The following ZEB1 variants were observed in gnomAD, a reference collection of about 807,000 sequenced individuals.
ZEB1 encodes zinc finger E-box-binding homeobox 1.
Under a neutral mutation model 84.9 loss-of-function variants are expected in ZEB1, and 21 were observed. The observed-to-expected ratio is 0.25, with a 90% confidence interval of 0.18 to 0.36. The LOEUF is 0.36. Among genes scored for constraint, ZEB1 ranks in the 10% least tolerant of loss-of-function variants. The pLI, the probability that ZEB1 is intolerant of heterozygous loss-of-function variation, is 1.00. For synonymous variants in ZEB1, 420 were observed against 471.1 expected, an observed-to-expected ratio of 0.89 and a Z score of 1.41; for missense variants, 1,104 against 1,330.2, an observed-to-expected ratio of 0.83 and a Z score of 2.65.
At chr10:31,411,604 A>C (rs963011869) in intron 1 of ZEB1, among the ~76,000 whole-genome samples, 5 of 139,624 alleles carry the variant, frequency 3.6e-5, no homozygotes, top group African/African-American at 1.4e-4. Context: ...TGCAGTCCGC[A>C]GTCCGGCCTG....
At chr10:31,397,020 T>TTA (rs925197730) in intron 1 of ZEB1, among the ~76,000 whole-genome samples, 6 of 145,188 alleles carry the variant, frequency 4.1e-5, no homozygotes, top group Admixed American at 6.9e-5. Context: ...ATTATTATTA[T>TTA]TTTTTTTTTT....
At chr10:31,355,188 T>C (rs976456507) in intron 1 of ZEB1, 3 of 152,142 alleles carry the variant, frequency 2.0e-5, no homozygotes, top group Admixed American at 6.5e-5. Context: ...AATATTCTTA[T>C]TAAGGTAAAG....
chr10:31,425,205 AATTTG>A, intron 1 of ZEB1, among the ~76,000 whole-genome samples: 2 of 152,190 alleles, frequency 1.3e-5, no homozygotes, highest in Middle Eastern at 6.8e-3. Context: ...GAAAACCACG[AATTTG>A]AATCAATTGA....
At chr10:31,387,300 C>T (rs1227042381) in intron 1 of ZEB1, 13 of 985,460 alleles carry the variant, frequency 1.3e-5, no homozygotes, top group Non-Finnish European at 1.4e-5. Context: ...CACTCGTGGG[C>T]CCAGGCTCCT....
intron 1 of ZEB1, among the ~76,000 whole-genome samples, chr10:31,403,425 A>G (rs1180990245): frequency 6.6e-6 from 1 of 151,978 alleles, no homozygotes; most frequent in African/African-American, 2.4e-5. Flanking sequence ...TCTCGTGTGC[A>G]TGTATGTAAT....
Position 31,527,412 on chromosome 10 carries a change from AACACACACACACACACACAC to A in ZEB1, c.*170_*189del, listed in dbSNP as rs3086583. 19 of 515,744 alleles carry A rather than the reference AACACACACACACACACACAC, an allele frequency of 3.7e-5. No homozygotes were observed. The highest frequency in any genetic ancestry group is 7.9e-5 in the East Asian group (2 of 25,334). 31.9% of individuals were successfully genotyped at this position (515,744 alleles called of 1,614,324 possible). A position where few individuals can be genotyped will look rare whatever the true frequency, so the allele number is the denominator to read the frequency against. On this transcript the variant is annotated 3_prime_UTR_variant, in exon 9 of 9. Transcript: ENST00000424869. ...AAAACTAAAAAAATACAAAATACAAAACACACACACACACACACACACACACACACACACACACACAAAAT... is the reference window on the plus strand; with the variant it reads ...AAAACTAAAAAAATACAAAATACAAAACACACACACACACACACACAAAAT...
At chr10:31,384,482 A>G (rs1431180601) in intron 1 of ZEB1, among the ~76,000 whole-genome samples, 1 of 152,208 alleles carries the variant, frequency 6.6e-6, no homozygotes, top group Non-Finnish European at 1.5e-5. Context: ...TTTTATGCAA[A>G]GTGAGCTGAG....
chr10:31,508,665 G>A (rs2069410863), intron 4 of ZEB1, among the ~76,000 whole-genome samples: 1 of 152,080 alleles, frequency 6.6e-6, no homozygotes, highest in Non-Finnish European at 1.5e-5. Flanking sequence ...TTGGTGGTGT[G>A]TGTAGGCATT....
In ZEB1 at chr10:31,510,694, A is replaced by C; in HGVS notation, c.506A>C (p.Gln169Pro). 1 of 1,613,694 alleles carries C rather than the reference A, an allele frequency of 6.2e-7. No homozygotes were observed. Among genetic ancestry groups the C allele is most frequent in the Non-Finnish European group, 8.5e-7 (1 of 1,179,702 alleles). ...ACAGGAACACCAGATGCATTTTCAC[A>C]ATTACTCACCTGTCCATATTGTGAT... ...DENGTPDAFS[Q>P]LLTCPYCDRG... The change falls in exon 5 of 9, where the codon CAA becomes CCA. Residue 169 changes from glutamine (Q) to proline (P), a missense_variant. Gln to Pro is a moderately conservative substitution (Grantham distance 76). Around this residue, in one of 7 missense-constraint regions of ZEB1, gnomAD observed 71 missense variants for 119.1 expected, o/e 0.60. Coordinates refer to ENST00000424869, the MANE Select transcript of ZEB1 (RefSeq NM_001174096.2).
At chr10:31,469,183 G>A (rs1358750329) in intron 2 of ZEB1, among the ~76,000 whole-genome samples, 4 of 152,134 alleles carry the variant, frequency 2.6e-5, no homozygotes, top group South Asian at 2.1e-4. Flanking sequence ...AGAGCTTGAC[G>A]ACTAGTCTTT....
intron 1 of ZEB1, among the ~76,000 whole-genome samples, chr10:31,383,357 G>T (rs2048036818): frequency 6.6e-6 from 1 of 151,910 alleles, no homozygotes; most frequent in Non-Finnish European, 1.5e-5. Context: ...AGATAAATGG[G>T]GCTAGTGGCC....
chr10:31,373,298 TTA>T, intron 1 of ZEB1: 2 of 876,026 alleles, frequency 2.3e-6, no homozygotes, highest in African/African-American at 1.8e-5. Context: ...TGTTTGAATT[TTA>T]TATGTCTGTC....
chr10:31,378,944 A>C (rs2047160555), intron 1 of ZEB1, among the ~76,000 whole-genome samples: 1 of 152,108 alleles, frequency 6.6e-6, no homozygotes, highest in African/African-American at 2.4e-5. Flanking sequence ...ATGCATTTAC[A>C]TTTTTAAGAG....
chr10:31,441,810 C>G (rs549363167), intron 1 of ZEB1, among the ~76,000 whole-genome samples: 6 of 152,314 alleles, frequency 3.9e-5, no homozygotes, highest in African/African-American at 1.4e-4. Context: ...TGAAAAAATG[C>G]TCATTATCAC....
intron 4 of ZEB1, among the ~76,000 whole-genome samples, chr10:31,505,042 T>A (rs1282656755): frequency 1.3e-5 from 2 of 152,050 alleles, no homozygotes; most frequent in Non-Finnish European, 2.9e-5. Flanking sequence ...TAGAGGGACG[T>A]CTGTCAGCTT....
intron 1 of ZEB1, among the ~76,000 whole-genome samples, chr10:31,453,715 C>T (rs369461770): frequency 2.6e-5 from 4 of 152,060 alleles, no homozygotes; most frequent in Admixed American, 1.3e-4. Flanking sequence ...CAGAAGAAGT[C>T]GAATCCCTGA....
intron 1 of ZEB1, among the ~76,000 whole-genome samples, chr10:31,427,416 G>A (rs1451627857): frequency 2.0e-5 from 3 of 152,122 alleles, no homozygotes; most frequent in African/African-American, 7.2e-5. Context: ...AGTATGAAAA[G>A]TGATAGCTTC....
intron 1 of ZEB1, chr10:31,363,176 A>C: frequency 6.5e-7 from 1 of 1,533,984 alleles, no homozygotes; most frequent in East Asian, 2.4e-5. Flanking sequence ...ACCATCAGCA[A>C]GCCTGGAGAG....
intron 1 of ZEB1, among the ~76,000 whole-genome samples, chr10:31,404,254 T>C (rs2052572316): frequency 6.6e-6 from 1 of 152,044 alleles, no homozygotes; most frequent in Non-Finnish European, 1.5e-5. Flanking sequence ...TGTGCTCTAT[T>C]ACAGTGATTC....
Sources: gnomAD v4.1 joint callset for allele counts (sites outside exome capture counted in the v4.1 genomes callset) on GRCh38, gnomAD v4.1.1 for gene constraint, gnomAD v4.1.1 regional missense constraint, MANE v1.5 for transcripts, NCBI Gene and HGNC (gene_info 2026-07-23, HGNC 2026-07-21) for gene names.